The following TTN variants were observed in gnomAD, a reference collection of about 807,000 sequenced individuals.
TTN encodes titin.
Under a neutral mutation model 3,223.0 loss-of-function variants are expected in TTN, and 1,525 were observed. The observed-to-expected ratio is 0.47, with a 90% confidence interval of 0.45 to 0.49. TTN has a LOEUF of 0.49. Among genes scored for constraint, TTN ranks in the 20% least tolerant of loss-of-function variants. TTN has a pLI of 0.00. For synonymous variants in TTN, 14,094 were observed against 15,161.0 expected, an observed-to-expected ratio of 0.93 and a Z score of 5.17; for missense variants, 40,786 against 43,424.0, an observed-to-expected ratio of 0.94 and a Z score of 5.40.
intron 2 of TTN, among the ~76,000 whole-genome samples, chr2:178,803,141 T>C (rs1428478284): frequency 6.6e-6 from 1 of 152,224 alleles, no homozygotes; most frequent in African/African-American, 2.4e-5. Flanking sequence ...TCTATCTACT[T>C]ACGCTGGTAG....
Position 178,677,861 on chromosome 2 carries a change from C to T in TTN, c.34051G>A (p.Val11351Ile), listed in dbSNP as rs777575354. 7 of 1,612,234 alleles carry T rather than the reference C, an allele frequency of 4.3e-6. No homozygotes were observed. Among genetic ancestry groups the T allele is most frequent in the Non-Finnish European group, 5.9e-6 (7 of 1,179,132 alleles). The part of the protein sequence containing the change: ...VPVALPQEEE[V>I]LFEEEIVPEE... ...GGAACAATTTCTTCTTCAAATAGAA[C>T]TTCCTCTTCCTGAGGTAGAGCTACA... The change falls in exon 146 of 363, where the codon GTT (valine) becomes ATT (isoleucine). Residue 11351 changes from valine to isoleucine, a missense_variant. Physicochemically the swap from Val to Ile is conservative, Grantham distance 29 (BLOSUM62 3). Coordinates refer to ENST00000589042, the MANE Select transcript of TTN (RefSeq NM_001267550.2).
At chr2:178,642,083 G>T (rs2061316170) in intron 219 of TTN, 154 bp downstream of exon 219, 3 of 530,662 alleles carry the variant, frequency 5.7e-6, no homozygotes, top group Middle Eastern at 4.5e-4. Flanking sequence ...ATCTGGAAAT[G>T]ACATTTTTCT....
At position 178,666,854 on chromosome 2, in the gene TTN, C is replaced by T. The variant is rs978477095; in HGVS notation, c.35845G>A (p.Val11949Ile). The T allele has an allele frequency of 1.9e-6, 3 of 1,572,782 alleles. No individual in the cohort carries two copies. The highest frequency in any genetic ancestry group is 1.7e-6 in the Non-Finnish European group (2 of 1,158,478). Reference protein sequence around the residue: ...EVIPEGETPIVKRRKTPSPTV... With the variant: ...EVIPEGETPIIKRRKTPSPTV... ...GGTGATGGTGTTTTTCTTCTTTTAA[C>T]AATAGGAGTTTCTCCCTCTGGAATG... The change falls in exon 163 of 363, where the codon GTT becomes ATT. Residue 11949 changes from valine to isoleucine, a missense_variant. Physicochemically the swap from Val to Ile is conservative, Grantham distance 29. Transcript: ENST00000589042.
chr2:178,748,961 G>T, intron 47 of TTN: 2 of 1,612,410 alleles, frequency 1.2e-6, no homozygotes, highest in Non-Finnish European at 1.7e-6. Flanking sequence ...AACAATTGAT[G>T]TTCTGGTAGG....
Position 178,609,820 on chromosome 2 carries a change from C to G in TTN, c.51603G>C (p.Leu17201=), listed in dbSNP as rs2055879297. The G allele has an allele frequency of 6.2e-7, 1 of 1,612,740 alleles. No homozygotes were observed. Among genetic ancestry groups the G allele is most frequent in the Admixed American group, 1.7e-5 (1 of 59,918 alleles). Residue 17201 remains leucine, a synonymous_variant, in exon 272 of 363, where the codon CTG becomes CTC. Transcript: ENST00000589042. ...EERWKRCNEH[L]VPILTYTAKG... is the part of the protein sequence containing the mutation. ...TTGCTGTATAGGTCAGGATTGGTAC[C>G]AGGTGTTCATTGCATCTCTTCCACC...
At position 178,776,152 on chromosome 2, in the gene TTN, T is replaced by C. The variant is rs1011696809; in HGVS notation, c.5712A>G (p.Ser1904=). 1 of 1,614,174 alleles carries C rather than the reference T, an allele frequency of 6.2e-7. No homozygotes were observed. Among genetic ancestry groups the C allele is most frequent in the Non-Finnish European group, 8.5e-7 (1 of 1,179,988 alleles). ...IHYLDIVDCK[S]YDTGEVKVTA... ...TGACCTTCACTTCACCTGTGTCATA[T>C]GATTTGCAGTCCACGATGTCCAGGT... Residue 1904 remains serine (S), a synonymous_variant, in exon 28 of 363, where the codon TCA becomes TCG. Coordinates refer to ENST00000589042, the MANE Select transcript of TTN (RefSeq NM_001267550.2).
Position 178,582,424 on chromosome 2 carries a change from G to T in TTN, c.66032C>A (p.Pro22011His). ...TTTCTCCACGCTGCAGCTGGTGATAGGCACAGTTGCAGAGACTTGAGCCCA... is the reference window on the plus strand; with the variant it reads ...TTTCTCCACGCTGCAGCTGGTGATATGCACAGTTGCAGAGACTTGAGCCCA... ...PNWAQVSATV[P>H]ITSCSVEKLI... Residue 22011 changes from proline to histidine, a missense_variant, in exon 314 of 363, where the codon CCT becomes CAT. Pro to His is a moderately conservative substitution (Grantham distance 77). Transcript: ENST00000589042. 1 of 1,612,920 alleles carries T rather than the reference G, an allele frequency of 6.2e-7. No homozygotes were observed.
At position 178,609,295 on chromosome 2, in the gene TTN, A is replaced by T. The variant is rs765426395; in HGVS notation, c.52015T>A (p.Ser17339Thr). Residue 17339 changes from serine to threonine, a missense_variant, in exon 273 of 363, where the codon TCT (serine) becomes ACT (threonine). Ser to Thr is a moderately conservative substitution (Grantham distance 58). Coordinates refer to ENST00000589042, the MANE Select transcript of TTN (RefSeq NM_001267550.2). The part of the protein sequence containing the change: ...KGESQLRVRD[S>T]LRPDHGLYMI... ...TACAGACCATGGTCAGGTCGGAGAG[A>T]ATCTCGGACGCGTAGCTGAGATTCT... The T allele has an allele frequency of 1.3e-6, 2 of 1,599,182 alleles. No individual in the cohort carries two copies. The highest frequency in any genetic ancestry group is 1.7e-6 in the Non-Finnish European group (2 of 1,172,884).
At position 178,764,213 on chromosome 2, in the gene TTN, G is replaced by T. The variant is rs1259534996; in HGVS notation, c.10078C>A (p.Gln3360Lys). The T allele has an allele frequency of 1.2e-6, 2 of 1,613,974 alleles. No individual in the cohort carries two copies. The highest frequency in any genetic ancestry group is 2.7e-5 in the African/African-American group (2 of 74,920). ...ACCCGGCATTGAAAACGGGCTGGCT[G>T]CCCTTCAGAAGTGACAGTGTCCTGA... The part of the protein sequence containing the change: ...PLQDTVTSEG[Q>K]PARFQCRVSG... The change falls in exon 43 of 363, where the codon CAG (glutamine) becomes AAG (lysine). Residue 3360 changes from glutamine (Q) to lysine (K), a missense_variant. Transcript: ENST00000589042.
At position 178,569,166 on chromosome 2, in the gene TTN, G is replaced by A. The variant is rs781451643; in HGVS notation, c.76966C>T (p.His25656Tyr). The change falls in exon 326 of 363, where the codon CAT becomes TAT. Residue 25656 changes from histidine (H) to tyrosine (Y), a missense_variant. By Grantham distance (83) the His-to-Tyr change is moderately conservative. Transcript: ENST00000589042. ...TGATCGATTTTCCAAGAATTCTTAT[G>A]GCAGTTAGTTACAACAGCAGCATAT... ...KSYAAVVTNC[H>Y]KNSWKIDQLQ... The A allele has an allele frequency of 5.1e-5, 82 of 1,613,048 alleles. 1 individual carries two copies. In the East Asian group the frequency reaches 1.8e-3, roughly 35 times the overall value.
chr2:178,669,192 G>T (rs1382008253), intron 159 of TTN, among the ~76,000 whole-genome samples, 181 bp downstream of exon 159: 1 of 152,170 alleles, frequency 6.6e-6, no homozygotes, highest in Non-Finnish European at 1.5e-5. Context: ...TTTTAAATTG[G>T]TGAGGAAATA....
rs1479135347 is a variant in TTN, at chr2:178,730,309, A to G, written c.18091T>C (p.Leu6031=). Residue 6031 remains leucine, a synonymous_variant, in exon 62 of 363, where the codon TTA becomes CTA. Coordinates refer to ENST00000589042, the MANE Select transcript of TTN (RefSeq NM_001267550.2). Reference sequence around the variant, plus strand: ...GCAGTGCCACCCACAAGAGCCTTTAACTGTACCCTTGTGTTGGGATTGACA... The same window carrying G: ...GCAGTGCCACCCACAAGAGCCTTTAGCTGTACCCTTGTGTTGGGATTGACA... The part of the protein sequence containing the change: ...QDVNPNTRVQ[L]KALVGGTAPM... 2.5e-6 allele frequency: 4 copies of G among 1,611,786 alleles called. No individual in the cohort carries two copies. In the Admixed American group the frequency reaches 6.7e-5, roughly 27 times the overall value.
In TTN at chr2:178,616,731, A is replaced by G; in HGVS notation, c.48158T>C (p.Ile16053Thr). 1.2e-6 allele frequency: 2 copies of G among 1,612,506 alleles called. No homozygotes were observed. Among genetic ancestry groups the G allele is most frequent in the East Asian group, 2.2e-5 (1 of 44,754 alleles). The stretch of plus-strand genomic sequence containing the variant: ...ATGATAAATGTTTTGTTCCTTACCA[A>G]TTACATTGACATCAATTTCCCCAGA... The part of the protein sequence containing the change: ...TISGEIDVNV[I>T]ARPSAPKELK... Residue 16053 changes from isoleucine to threonine, a missense_variant and splice_region_variant, in exon 256 of 363, where the codon ATT (isoleucine) becomes ACT (threonine). By Grantham distance (89) the Ile-to-Thr change is moderately conservative. Coordinates refer to ENST00000589042, the MANE Select transcript of TTN (RefSeq NM_001267550.2).
In TTN at chr2:178,740,901, G is replaced by C. The variant is rs140289517; in HGVS notation, c.12332C>G (p.Ala4111Gly). The C allele has an allele frequency of 5.0e-5, 81 of 1,613,892 alleles. No homozygotes were observed. In the African/African-American group the frequency reaches 9.3e-4, roughly 19 times the overall value. The change falls in exon 48 of 363, where the codon GCT becomes GGT. Residue 4111 changes from alanine to glycine, a missense_variant. Ala to Gly is a moderately conservative substitution (Grantham distance 60). Coordinates refer to ENST00000589042, the MANE Select transcript of TTN (RefSeq NM_001267550.2). ...NELSSQLPLGAQELQSILEQD... is the reference protein window; with the variant it reads ...NELSSQLPLGGQELQSILEQD... ...CTCCAAAATGGATTGCAATTCCTGA[G>C]CTCCCAAAGGAAGCTGACTGCTCAA...
intron 294 of TTN, among the ~76,000 whole-genome samples, chr2:178,596,429 G>A (rs2051635840): frequency 6.6e-6 from 1 of 151,958 alleles, no homozygotes; most frequent in South Asian, 2.1e-4. Flanking sequence ...GCATGCAGAG[G>A]GATACAAGAG....
chr2:178,771,108 T>C (rs2154343194), intron 34 of TTN, 103 bp downstream of exon 34: 2 of 1,551,620 alleles, frequency 1.3e-6, no homozygotes, highest in Admixed American at 1.8e-5. Context: ...CTTTATGAAA[T>C]GAAAATTTAT....
Position 178,609,418 on chromosome 2 carries a change from C to T in TTN, c.51892G>A (p.Ala17298Thr). 1 of 1,612,254 alleles carries T rather than the reference C, an allele frequency of 6.2e-7. No homozygotes were observed. Among genetic ancestry groups the T allele is most frequent in the South Asian group, 1.1e-5 (1 of 91,008 alleles). Residue 17298 changes from alanine to threonine, a missense_variant, in exon 273 of 363, where the codon GCA becomes ACA. Transcript: ENST00000589042. The part of the protein sequence containing the change: ...IVPEEIKKRA[A>T]PLVRRRKGEV... ...CCCTTCCTTCTCCTAACCAAGGGTG[C>T]TGCACGCTTCTTAATTTCCTCTGGT...
In TTN at chr2:178,757,867, A is replaced by G. The variant is rs751049607; in HGVS notation, c.10353T>C (p.Ser3451=). The change falls in exon 45 of 363, where the codon TCT becomes TCC. Residue 3451 remains serine, a synonymous_variant. Coordinates refer to ENST00000589042, the MANE Select transcript of TTN (RefSeq NM_001267550.2). ...ENTSNSQWHV[S]LSVSFKKEPL... ...GCTCCTTCTTAAATGAAACTGATAA[A>G]GAGACATGCCATTGGGAGTTTGATG... The G allele has an allele frequency of 6.4e-7, 1 of 1,557,444 alleles. No individual in the cohort carries two copies. Among genetic ancestry groups the G allele is most frequent in the Non-Finnish European group, 8.7e-7 (1 of 1,154,716 alleles).
rs1686674153 is a variant in TTN, at chr2:178,526,996, A to G, written c.*16T>C. The G allele has an allele frequency of 6.3e-7, 1 of 1,596,904 alleles. No homozygotes were observed. Among genetic ancestry groups the G allele is most frequent in the African/African-American group, 1.3e-5 (1 of 74,546 alleles). On this transcript the variant is annotated 3_prime_UTR_variant, in exon 363 of 363. Transcript: ENST00000589042. ...AAAGTTAAGAATGAGTGTAGAGTAT[A>G]AGGGCACAGGCCCTCTTAAATGGAT...
Sources: gnomAD v4.1 joint callset for allele counts (sites outside exome capture counted in the v4.1 genomes callset) on GRCh38, gnomAD v4.1.1 for gene constraint, MANE v1.5 for transcripts, NCBI Gene and HGNC (gene_info 2026-07-23, HGNC 2026-07-21) for gene names.